The following ANKDD1A variants were observed in gnomAD, a reference collection of about 807,000 sequenced individuals.
The protein encoded by ANKDD1A is ankyrin repeat and death domain-containing protein 1A.
Under a neutral mutation model 63.5 loss-of-function variants are expected in ANKDD1A, and 59 were observed. The observed-to-expected ratio is 0.93, with a 90% CI of 0.75 to 1.15. ANKDD1A has a LOEUF of 1.15. Among genes scored for constraint, ANKDD1A ranks in the 50% most tolerant of loss-of-function variants. ANKDD1A has a pLI of 0.00. For synonymous variants in ANKDD1A, 266 were observed against 263.9 expected (o/e 1.01, Z -0.08); for missense variants, 632 against 656.4 (o/e 0.96, Z 0.41).
At chr15:64,946,174 ATAAACT>A (rs2085221158) in intron 12 of ANKDD1A, among the ~76,000 whole-genome samples, 1 of 152,220 alleles carries the variant, frequency 6.6e-6, no homozygotes, top group South Asian at 2.1e-4. Context: ...AACTGAATAA[ATAAACT>A]TAATATAACA....
In ANKDD1A at chr15:64,922,084, C is replaced by T. The variant is rs996972844; in HGVS notation, c.366+65C>T. 247 of 1,474,888 alleles carry T rather than the reference C, an allele frequency of 1.7e-4. 1 individual carries two copies. The highest frequency in any genetic ancestry group is 3.9e-4 in the African/African-American group (28 of 72,156). 91.4% of individuals were successfully genotyped at this position (1,474,888 alleles called of 1,614,324 possible). ...CCTGGCCTGGATGCACAGGTCTCCC[C>T]CGACCTCTGTCCCCCACCCCTGCTT... On this transcript the variant is annotated intron_variant, in intron 4 of 14. Transcript: ENST00000319580.
At chr15:64,912,005 G>C in intron 1 of ANKDD1A, 41 bp downstream of exon 1, 1 of 1,239,650 alleles carries the variant, frequency 8.1e-7, no homozygotes, top group East Asian at 3.2e-5. Flanking sequence ...GGCCGAGGCC[G>C]AGAGGACCCC....
At position 64,928,603 on chromosome 15, in the gene ANKDD1A, G is replaced by T. The variant is rs2085065058; in HGVS notation, c.570+1604G>T. On this transcript the variant is annotated intron_variant, in intron 6 of 14. Transcript: ENST00000319580. ...AAGTTTTTCAATGCCTGATAAGGGG[G>T]ATAGACCTCTTAGAGTCAATGACAA... Among the ~76,000 whole-genome samples the T allele has an allele frequency of 1.3e-5, 2 of 152,196 alleles. 1 individual carries two copies. Among genetic ancestry groups the T allele is most frequent in the South Asian group, 4.1e-4 (2 of 4,824 alleles).
rs924347562 is a variant in ANKDD1A, at chr15:64,951,410, T to C, written c.1483+1438T>C. On this transcript the variant is annotated intron_variant, in intron 14 of 14. Coordinates refer to ENST00000319580, the MANE Select transcript of ANKDD1A (RefSeq NM_182703.6). The stretch of plus-strand genomic sequence containing the variant: ...TTTCTTCTTCCTCTTTTTTCTTTTT[T>C]CTTTTCTTCCTCTTTTCTTCTTTTT... 10 of 92,058 alleles carry C rather than the reference T, an allele frequency of 1.1e-4. No individual in the cohort carries two copies. In the East Asian group the frequency reaches 3.7e-3, roughly 34 times the overall value. 5.7% of individuals were successfully genotyped at this position (92,058 alleles called of 1,614,324 possible).
At chr15:64,915,324 G>A (rs2084961054) in intron 1 of ANKDD1A, among the ~76,000 whole-genome samples, 1 of 152,188 alleles carries the variant, frequency 6.6e-6, no homozygotes, top group Non-Finnish European at 1.5e-5. Context: ...ACAAGGAGAC[G>A]GAATGTGCAG....
chr15:64,935,225 CAA>C lies in ANKDD1A; in HGVS notation c.867+1010_867+1011del, dbSNP rs1243053667. 7.0e-3 allele frequency among the ~76,000 whole-genome samples: 686 copies of C among 98,690 alleles called. 1 individual carries two copies. Among genetic ancestry groups the C allele is most frequent in the African/African-American group, 0.015 (392 of 26,636 alleles). 64.7% of individuals were successfully genotyped at this position (98,690 alleles called of 152,430 possible). A position where few individuals can be genotyped will look rare whatever the true frequency, so the allele number is the denominator to read the frequency against. The stretch of plus-strand genomic sequence containing the variant: ...CCTGGGCAAGAGTGAGACTCTGTCT[CAA>C]AAAAAAAAAAAAAAAAAATTGGGTT... On this transcript the variant is annotated intron_variant, in intron 9 of 14. Transcript: ENST00000319580.
In ANKDD1A at chr15:64,921,078, C is replaced by T. The variant is rs530539966; in HGVS notation, c.268-843C>T. Among the ~76,000 whole-genome samples, 5 of 152,186 alleles carry T rather than the reference C, an allele frequency of 3.3e-5. No individual in the cohort carries two copies. The East Asian group carries it at 9.7e-4, about 30-fold the overall frequency. On this transcript the variant is annotated intron_variant, in intron 3 of 14. Transcript: ENST00000319580. The stretch of plus-strand genomic sequence containing the variant: ...CTCTACCTCCTGGGCTCAAGTGATC[C>T]TCCCACCTCAGCCTCCTGAGTAGCT...
intron 14 of ANKDD1A, among the ~76,000 whole-genome samples, chr15:64,954,112 TTTC>T (rs1357242819): frequency 8.6e-5 from 12 of 139,878 alleles, no homozygotes; most frequent in South Asian, 4.6e-4. Flanking sequence ...TTCTTCTTCC[TTTC>T]TTTTCTCCTT....
intron 14 of ANKDD1A, among the ~76,000 whole-genome samples, chr15:64,953,611 T>TCTC (rs2085349529): frequency 5.0e-4 from 4 of 8,000 alleles, no homozygotes; most frequent in African/African-American, 1.1e-3. Context: ...TTCTTTCTTC[T>TCTC]CTCCTTCTTC....
At chr15:64,948,750 C>T (rs969008906) in intron 13 of ANKDD1A, among the ~76,000 whole-genome samples, 2 of 151,526 alleles carry the variant, frequency 1.3e-5, no homozygotes, top group African/African-American at 2.4e-5. Context: ...CGCTTGAACC[C>T]GGGACACAGA....
chr15:64,931,017 A>C (rs902934512), intron 7 of ANKDD1A, 97 bp downstream of exon 7: 2 of 1,298,962 alleles, frequency 1.5e-6, no homozygotes, highest in Non-Finnish European at 2.1e-6. Context: ...TAAAGCCAGA[A>C]GGCTGAGGGC....
At chr15:64,922,936 A>G (rs2085018067) in intron 4 of ANKDD1A, among the ~76,000 whole-genome samples, 1 of 152,222 alleles carries the variant, frequency 6.6e-6, no homozygotes, top group Non-Finnish European at 1.5e-5. Context: ...TCTTACACTT[A>G]TCATTACATT....
chr15:64,953,340 TCTC>T (rs1170785693), intron 14 of ANKDD1A, among the ~76,000 whole-genome samples: 33 of 150,960 alleles, frequency 2.2e-4, no homozygotes, highest in African/African-American at 7.0e-4. Flanking sequence ...TTATTCTTCC[TCTC>T]CTTCTTCTTA....
In ANKDD1A at chr15:64,951,199, G is replaced by A. The variant is rs1335768878; in HGVS notation, c.1483+1227G>A. On this transcript the variant is annotated intron_variant, in intron 14 of 14. Transcript: ENST00000319580. ...GTTTGTACACTGATCTTTTTCATGA[G>A]GATGGGTCCAAGGGCCTGTAATCCC... 2.9e-6 allele frequency: 3 copies of A among 1,045,296 alleles called. No homozygotes were observed. In the East Asian group the frequency reaches 3.0e-4, roughly 106 times the overall value. 64.8% of individuals were successfully genotyped at this position (1,045,296 alleles called of 1,614,324 possible).
At chr15:64,950,311 A>G (rs181093958) in intron 14 of ANKDD1A, 2 of 985,372 alleles carry the variant, frequency 2.0e-6, no homozygotes, top group East Asian at 1.1e-4. Context: ...CCACCTCCAG[A>G]CTTTTTTCAC....
chr15:64,942,654 C>A, intron 10 of ANKDD1A, 89 bp downstream of exon 10: 2 of 933,616 alleles, frequency 2.1e-6, no homozygotes, highest in Non-Finnish European at 1.6e-6. Flanking sequence ...CCTAGCATGG[C>A]CCAGAGTTGA....
chr15:64,948,951 A>C (rs984361982), intron 13 of ANKDD1A, among the ~76,000 whole-genome samples: 4 of 152,356 alleles, frequency 2.6e-5, no homozygotes, highest in African/African-American at 7.2e-5. Flanking sequence ...TATGATAAAG[A>C]AGCACTTGTA....
At chr15:64,927,515 G>A (rs2085054508) in intron 6 of ANKDD1A, among the ~76,000 whole-genome samples, 1 of 152,176 alleles carries the variant, frequency 6.6e-6, no homozygotes, top group Non-Finnish European at 1.5e-5. Context: ...AGGGGTAAGG[G>A]ACGGGGACCA....
rs548753521 is a variant in ANKDD1A at position 64,949,804 on chromosome 15, C to T, written c.1352-37C>T. On this transcript the variant is annotated intron_variant, in intron 13 of 14. Transcript: ENST00000319580. ...CTCTGGTCAAGTGGCCCCATTGGCTCCTTCTCCCTCTCTCTCTCCTCCCTC... is the reference window on the plus strand; with the variant it reads ...CTCTGGTCAAGTGGCCCCATTGGCTTCTTCTCCCTCTCTCTCTCCTCCCTC... The T allele has an allele frequency of 8.8e-6, 14 of 1,593,626 alleles. No homozygotes were observed. The African/African-American group carries it at 1.1e-4, about 12-fold the overall frequency.
Sources: allele counts gnomAD v4.1 joint callset (sites outside exome capture counted in the v4.1 genomes callset), GRCh38; gene constraint gnomAD v4.1.1; transcripts MANE v1.5; gene names NCBI Gene and HGNC (gene_info 2026-07-23, HGNC 2026-07-21).